The following STX8 variants were observed in gnomAD, a reference collection of about 807,000 sequenced individuals.
The protein encoded by STX8 is syntaxin 8.
Under a neutral mutation model 37.5 loss-of-function variants are expected in STX8, and 23 were observed. The ratio of observed to expected loss-of-function variants is 0.61; its 90% CI spans 0.44 to 0.87. STX8 has a LOEUF of 0.87. Ranked by LOEUF, STX8 falls within the 40% of genes least tolerant of loss-of-function variation. The pLI, the probability that STX8 is intolerant of heterozygous loss-of-function variation, is 0.00. For missense variants in STX8, 313 were observed against 284.7 expected, an observed-to-expected ratio of 1.10 and a Z score of -0.71; for synonymous variants, 115 against 99.1, an observed-to-expected ratio of 1.16 and a Z score of -0.95.
At chr17:9,514,868 AAAT>A (rs1905121238) in intron 4 of STX8, among the ~76,000 whole-genome samples, 2 of 152,184 alleles carry the variant, frequency 1.3e-5, no homozygotes, top group African/African-American at 4.8e-5. Context: ...CAGAAACTGA[AAAT>A]CACCCTTCGC....
Position 9,459,471 on chromosome 17 carries a change from G to A in STX8, c.541+32358C>T, listed in dbSNP as rs1415489546. 2.0e-5 allele frequency among the ~76,000 whole-genome samples: 3 copies of A among 152,210 alleles called. No individual in the cohort carries two copies. In the East Asian group the frequency reaches 5.8e-4, roughly 29 times the overall value. ...ACTGCTGCTGCCAGGGTGAAGAAGCGTATCTTGTGTACCACAGACGGGAAG... is the reference window on the plus strand; with the variant it reads ...ACTGCTGCTGCCAGGGTGAAGAAGCATATCTTGTGTACCACAGACGGGAAG... On this transcript the variant is annotated intron_variant, in intron 6 of 7. Transcript: ENST00000306357.
rs564773712 is a variant in STX8, at chr17:9,263,715, C to T, written c.644-13070G>A. Among the ~76,000 whole-genome samples the T allele has an allele frequency of 1.6e-4, 24 of 152,284 alleles. No individual in the cohort carries two copies. In the South Asian group the frequency reaches 3.1e-3, roughly 20 times the overall value. On this transcript the variant is annotated intron_variant, in intron 7 of 7. Transcript: ENST00000306357. ...ACATAAACCTTTGTGCACGTGTACA[C>T]GAATTTCTGTAGGATAGATTCCTAC...
chr17:9,496,073 CTCTTTT>C (rs1296374412), intron 5 of STX8, among the ~76,000 whole-genome samples: 2 of 51,060 alleles, frequency 3.9e-5, no homozygotes, highest in African/African-American at 1.0e-4. Flanking sequence ...CTTTTTCTTT[CTCTTTT>C]TTTTTTTTTT....
In STX8 at chr17:9,536,369, T is replaced by G. The variant is rs138168320; in HGVS notation, c.323+8803A>C. Among the ~76,000 whole-genome samples the G allele has an allele frequency of 8.3e-3, 1,261 of 152,302 alleles. 15 individuals are homozygous for G. Among genetic ancestry groups the G allele is most frequent in the Middle Eastern group, 0.014 (4 of 294 alleles). On this transcript the variant is annotated intron_variant, in intron 4 of 7. Transcript: ENST00000306357. ...CTACCCGAAGCCCTGACGGCATCACTGGGCTGTCAATCAACCCTCTCACTT... is the reference window on the plus strand; with the variant it reads ...CTACCCGAAGCCCTGACGGCATCACGGGGCTGTCAATCAACCCTCTCACTT...
At position 9,442,134 on chromosome 17, in the gene STX8, C is replaced by T. The variant is rs147810574; in HGVS notation, c.541+49695G>A. 2.6e-3 allele frequency among the ~76,000 whole-genome samples: 392 copies of T among 152,346 alleles called. 2 individuals are homozygous for T. Among genetic ancestry groups the T allele is most frequent in the African/African-American group, 3.8e-3 (160 of 41,588 alleles). On this transcript the variant is annotated intron_variant, in intron 6 of 7. Coordinates refer to ENST00000306357, the MANE Select transcript of STX8 (RefSeq NM_004853.3). ...TGTCTTCTCACTTTACCGCCACACA[C>T]GTTTTTCTTCCTGTGTGCCCTATGG...
At chr17:9,307,356 G>A (rs74996020) in intron 7 of STX8, among the ~76,000 whole-genome samples, 4,052 of 152,162 alleles carry the variant, frequency 0.027, 171 homozygotes, top group African/African-American at 0.092. Context: ...CTTGGGGGAG[G>A]GCTGACCCCC....
intron 6 of STX8, among the ~76,000 whole-genome samples, chr17:9,381,514 C>G (rs185144503): frequency 3.3e-5 from 5 of 152,314 alleles, no homozygotes; most frequent in African/African-American, 9.6e-5. Context: ...TCCTGCAGCA[C>G]TTCCTACAAA....
chr17:9,414,044 G>GTCCACCCACCCACCCA, intron 6 of STX8, among the ~76,000 whole-genome samples: 1 of 116,222 alleles, frequency 8.6e-6, no homozygotes, highest in Admixed American at 8.3e-5. Context: ...CCATCTATCT[G>GTCCACCCACCCACCCA]CCCGTCCGTC....
At chr17:9,547,246 C>CAAAAAAAAAAAAAAAAA (rs11300957) in intron 3 of STX8, 8 of 129,632 alleles carry the variant, frequency 6.2e-5, no homozygotes, top group African/African-American at 2.1e-4. Flanking sequence ...GACTCTGTCT[C>CAAAAAAAAAAAAAAAAA]AAAAAAAAAA....
At chr17:9,468,822 G>A (rs947132318) in intron 6 of STX8, among the ~76,000 whole-genome samples, 2 of 152,074 alleles carry the variant, frequency 1.3e-5, no homozygotes, top group Admixed American at 6.6e-5. Flanking sequence ...AGGCCATTTC[G>A]GCACCCGGGC....
chr17:9,518,273 T>A (rs994020620), intron 4 of STX8, among the ~76,000 whole-genome samples: 6 of 152,046 alleles, frequency 3.9e-5, no homozygotes, highest in African/African-American at 1.4e-4. Context: ...GCCTCCTCAC[T>A]GCCAAACACT....
At chr17:9,565,612 CAAA>C (rs61319674) in intron 2 of STX8, among the ~76,000 whole-genome samples, 3 of 72,664 alleles carry the variant, frequency 4.1e-5, no homozygotes, top group East Asian at 3.8e-4. Context: ...AACACCGTCT[CAAA>C]AAAAAAAAAA....
chr17:9,559,680 G>T (rs2151916037), intron 2 of STX8, among the ~76,000 whole-genome samples: 1 of 142,430 alleles, frequency 7.0e-6, no homozygotes, highest in Non-Finnish European at 1.5e-5. Flanking sequence ...TTTGCAGATT[G>T]ATAATAGTCT....
At chr17:9,287,733 C>A (rs1201921835) in intron 7 of STX8, among the ~76,000 whole-genome samples, 1 of 152,060 alleles carries the variant, frequency 6.6e-6, no homozygotes, top group Non-Finnish European at 1.5e-5. Context: ...GCCTATAGAA[C>A]TTTCATATGT....
intron 7 of STX8, among the ~76,000 whole-genome samples, chr17:9,330,300 T>C (rs1356365468): frequency 6.6e-6 from 1 of 152,208 alleles, no homozygotes; most frequent in Non-Finnish European, 1.5e-5. Context: ...TAGGCCACAG[T>C]AGCCCACCAG....
intron 6 of STX8, among the ~76,000 whole-genome samples, chr17:9,414,088 A>G (rs865869336): frequency 7.8e-5 from 5 of 63,840 alleles, no homozygotes; most frequent in African/African-American, 2.1e-4. Context: ...CTGTCCATCC[A>G]TCCATCCATC....
chr17:9,538,407 CCTT>C lies in STX8; in HGVS notation c.323+6762_323+6764del, dbSNP rs143404086. Among the ~76,000 whole-genome samples, 1,211 of 152,270 alleles carry C rather than the reference CCTT, an allele frequency of 8.0e-3. 19 individuals are homozygous for C. Among genetic ancestry groups the C allele is most frequent in the African/African-American group, 0.028 (1,154 of 41,554 alleles). ...CTAAGTACTATGGGACATAAATCAT[CCTT>C]CTTGTAAATCAACATTTAAATTGAA... On this transcript the variant is annotated intron_variant, in intron 4 of 7. Transcript: ENST00000306357.
intron 7 of STX8, among the ~76,000 whole-genome samples, chr17:9,306,643 T>C (rs12941635): frequency 0.23 from 34,264 of 147,238 alleles, 5,245 homozygotes; most frequent in African/African-American, 0.44. Flanking sequence ...TGCATGCCTG[T>C]AATCCCAGCT....
intron 7 of STX8, among the ~76,000 whole-genome samples, chr17:9,298,302 C>A (rs1388531118): frequency 6.6e-6 from 1 of 152,138 alleles, no homozygotes; most frequent in African/African-American, 2.4e-5. Context: ...GGAGGTGGAA[C>A]TTTCTGACCT....
Sources: allele counts gnomAD v4.1 joint callset (sites outside exome capture counted in the v4.1 genomes callset), GRCh38; gene constraint gnomAD v4.1.1; transcripts MANE v1.5; gene names NCBI Gene and HGNC (gene_info 2026-07-23, HGNC 2026-07-21).